Variants in SYNM observed in about 807,000 individuals in gnomAD.
The protein encoded by SYNM is desmuslin.
Under a neutral mutation model 104.0 loss-of-function variants are expected in SYNM, and 95 were observed. The observed-to-expected ratio is 0.91, with a 90% CI of 0.77 to 1.08. The LOEUF (loss-of-function observed/expected upper bound fraction) is 1.08, where lower values mean the gene tolerates loss of function less well. SYNM is among the 50% of genes least tolerant of loss of function. SYNM has a pLI of 0.00. For missense variants in SYNM, 2,150 were observed against 2,052.2 expected (o/e 1.05, Z -0.92); for synonymous variants, 918 against 869.0 (o/e 1.06, Z -0.99).
intron 2 of SYNM, among the ~76,000 whole-genome samples, chr15:99,120,619 C>T (rs1555484424): frequency 1.3e-5 from 2 of 152,144 alleles, no homozygotes; most frequent in Non-Finnish European, 2.9e-5. Context: ...CCAGTGTGGG[C>T]TTCACGTCAA....
chr15:99,113,512 A>T, intron 1 of SYNM, 79 bp from the exon 2 acceptor site: 27 of 1,574,240 alleles, frequency 1.7e-5, no homozygotes, highest in Non-Finnish European at 2.3e-5. Flanking sequence ...TTTCAATTCG[A>T]TCCTGAATTG....
At chr15:99,114,602 G>A (rs2067329663) in intron 2 of SYNM, among the ~76,000 whole-genome samples, 1 of 152,048 alleles carries the variant, frequency 6.6e-6, no homozygotes, top group African/African-American at 2.4e-5. Context: ...GCTAATGTAG[G>A]CCAACTGGCT....
At chr15:99,128,208 C>T (rs906665787) in intron 3 of SYNM, among the ~76,000 whole-genome samples, 3 of 152,168 alleles carry the variant, frequency 2.0e-5, no homozygotes, top group African/African-American at 7.2e-5. Flanking sequence ...CAGATAAGTT[C>T]CTAAGTAGTG....
Position 99,135,372 on chromosome 15 carries a change from T to A in SYNM, c.*2314T>A, listed in dbSNP as rs1331010458. Reference sequence around the variant, plus strand: ...AAGAGAAATCAACTTCGTGGTTGGATGGGGCCGGAACACAACCAGTCTTTT... The same window carrying A: ...AAGAGAAATCAACTTCGTGGTTGGAAGGGGCCGGAACACAACCAGTCTTTT... On this transcript the variant is annotated 3_prime_UTR_variant, in exon 4 of 4. Coordinates refer to ENST00000336292, the MANE Select transcript of SYNM (RefSeq NM_145728.3). 2 of 152,594 alleles carry A rather than the reference T, an allele frequency of 1.3e-5. No individual in the cohort carries two copies. Among genetic ancestry groups the A allele is most frequent in the Non-Finnish European group, 2.9e-5 (2 of 68,018 alleles). The allele number at this position is 152,594 out of a possible 1,614,324, so 9.5% of individuals were successfully genotyped here.
chr15:99,120,597 G>A (rs1376823810), intron 2 of SYNM, among the ~76,000 whole-genome samples: 2 of 152,214 alleles, frequency 1.3e-5, no homozygotes, highest in Admixed American at 1.3e-4. Context: ...GTGGGGGCCT[G>A]CAAAGACACT....
chr15:99,125,026 G>T (rs746923334), intron 2 of SYNM, among the ~76,000 whole-genome samples: 1 of 152,252 alleles, frequency 6.6e-6, no homozygotes, highest in Non-Finnish European at 1.5e-5. Flanking sequence ...TCTGGAAGAG[G>T]AGCAGATGCA....
At chr15:99,117,954 C>T (rs564506422) in intron 2 of SYNM, among the ~76,000 whole-genome samples, 7 of 152,310 alleles carry the variant, frequency 4.6e-5, no homozygotes, top group South Asian at 2.1e-4. Context: ...AGGAGCTACT[C>T]GTGCTTTCAG....
intron 1 of SYNM, among the ~76,000 whole-genome samples, chr15:99,111,835 A>G (rs2067302247): frequency 1.3e-5 from 2 of 152,234 alleles, no homozygotes; most frequent in African/African-American, 4.8e-5. Flanking sequence ...ACCTGAGGTC[A>G]GGAGTTCAAG....
At position 99,126,628 on chromosome 15, in the gene SYNM, A is replaced by G. The variant is rs2067450213; in HGVS notation, c.936-94A>G. The G allele has an allele frequency of 8.3e-6, 10 of 1,202,852 alleles. No homozygotes were observed. The Admixed American group carries it at 1.0e-4, about 12-fold the overall frequency. 74.5% of individuals were successfully genotyped at this position (1,202,852 alleles called of 1,614,324 possible). A position where few individuals can be genotyped will look rare whatever the true frequency, so the allele number is the denominator to read the frequency against. ...TAGAAGTCCTAAAACAGGTGACACT[A>G]TGGTCATTGGCCGCATACCACGATA... On this transcript the variant is annotated intron_variant, in intron 2 of 3. Transcript: ENST00000336292.
intron 1 of SYNM, among the ~76,000 whole-genome samples, chr15:99,107,426 C>G (rs2067256719): frequency 1.3e-5 from 2 of 152,304 alleles, no homozygotes; most frequent in South Asian, 2.1e-4. Flanking sequence ...GAGTATCTGT[C>G]AAACCTACTG....
Position 99,131,642 on chromosome 15 carries a change from T to C in SYNM, c.3282T>C (p.Thr1094=). The C allele has an allele frequency of 6.2e-7, 1 of 1,611,336 alleles. No individual in the cohort carries two copies. Among genetic ancestry groups the C allele is most frequent in the South Asian group, 1.1e-5 (1 of 90,930 alleles). Residue 1094 remains threonine (T), a synonymous_variant, in exon 4 of 4, where the codon ACT becomes ACC. Transcript: ENST00000336292. This position sits in a 1 kb window ranked among gnomAD's most constrained non-coding sequence, Gnocchi z 4.3. ...CCTCTCACAGCTCGGGACAGCGCACTCCCCAGGGCCCAGTGTCGGCCACTG... is the reference window on the plus strand; with the variant it reads ...CCTCTCACAGCTCGGGACAGCGCACCCCCCAGGGCCCAGTGTCGGCCACTG... ...GGASHSSGQR[T]PQGPVSATVE...
At chr15:99,138,712 A>T (rs1300111893), downstream of SYNM, among the ~76,000 whole-genome samples, 2 of 152,236 alleles carry the variant, frequency 1.3e-5, no homozygotes, top group Non-Finnish European at 2.9e-5. Flanking sequence ...GAGGATGGTC[A>T]GGGTTGCACT....
At position 99,130,951 on chromosome 15, in the gene SYNM, C is replaced by T. The variant is rs781786958; in HGVS notation, c.2591C>T (p.Ser864Phe). Reference protein sequence around the residue: ...HIEEESTIRYSWQDEIVQGTR... With the variant: ...HIEEESTIRYFWQDEIVQGTR... The stretch of plus-strand genomic sequence containing the variant: ...GAGGAGGAATCCACCATCAGGTACT[C>T]TTGGCAGGATGAAATCGTGCAGGGG... Residue 864 changes from serine to phenylalanine, a missense_variant, in exon 4 of 4, where the codon TCT becomes TTT. Transcript: ENST00000336292. 2.5e-6 allele frequency: 4 copies of T among 1,613,814 alleles called. No homozygotes were observed. Among genetic ancestry groups the T allele is most frequent in the Non-Finnish European group, 3.4e-6 (4 of 1,179,832 alleles).
chr15:99,134,059 A>G lies in SYNM; in HGVS notation c.*1001A>G, dbSNP rs1555486386. 1 of 152,078 alleles carries G rather than the reference A, an allele frequency of 6.6e-6. No homozygotes were observed. Among genetic ancestry groups the G allele is most frequent in the African/African-American group, 2.4e-5 (1 of 41,374 alleles). The allele number at this position is 152,078 out of a possible 1,614,324, so 9.4% of individuals were successfully genotyped here. On this transcript the variant is annotated 3_prime_UTR_variant, in exon 4 of 4. Coordinates refer to ENST00000336292, the MANE Select transcript of SYNM (RefSeq NM_145728.3). ...GTGCCTCTTAAAGATGCCTTTCCCA[A>G]CCCTCCATTCATGGGATGCAGGTCT...
chr15:99,123,407 G>A (rs2067419524), intron 2 of SYNM, among the ~76,000 whole-genome samples: 1 of 151,210 alleles, frequency 6.6e-6, no homozygotes, highest in Non-Finnish European at 1.5e-5. Context: ...GCACTGCCAC[G>A]TTACCTCCTG....
intron 2 of SYNM, 129 bp from the exon 3 acceptor site, chr15:99,126,590 TCTC>T (rs2067449912): frequency 2.2e-6 from 2 of 918,964 alleles, no homozygotes; most frequent in Non-Finnish European, 1.6e-6. Context: ...CCTGCCCAAG[TCTC>T]CTCTTCAGGT....
chr15:99,121,248 G>A (rs1002274987), intron 2 of SYNM, among the ~76,000 whole-genome samples: 1 of 152,054 alleles, frequency 6.6e-6, no homozygotes, highest in Admixed American at 6.5e-5. Context: ...GTGGCATGCA[G>A]GGGCAGTCCC....
At position 99,129,856 on chromosome 15, in the gene SYNM, A is replaced by C; in HGVS notation, c.1496A>C (p.Lys499Thr). Reference sequence around the variant, plus strand: ...GAGAGGACCGTCATTCTGGGAAAGAAAACAGAAGTGAAAGCCACGAGGGAG... The same window carrying C: ...GAGAGGACCGTCATTCTGGGAAAGACAACAGAAGTGAAAGCCACGAGGGAG... The part of the protein sequence containing the change: ...SNERTVILGK[K>T]TEVKATREQE... The change falls in exon 4 of 4, where the codon AAA (lysine) becomes ACA (threonine). Residue 499 changes from lysine to threonine, a missense_variant. Lys to Thr is a moderately conservative substitution (Grantham distance 78). Transcript: ENST00000336292. 1.2e-6 allele frequency: 2 copies of C among 1,613,746 alleles called. No homozygotes were observed. Among genetic ancestry groups the C allele is most frequent in the South Asian group, 2.2e-5 (2 of 91,048 alleles).
rs782461109 is a variant in SYNM, at chr15:99,132,265, C to T, written c.3905C>T (p.Pro1302Leu). The T allele has an allele frequency of 5.5e-5, 89 of 1,607,590 alleles. No homozygotes were observed. In the East Asian group the frequency reaches 1.9e-3, roughly 34 times the overall value. Residue 1302 changes from proline to leucine, a missense_variant, in exon 4 of 4, where the codon CCA (proline) becomes CTA (leucine). Transcript: ENST00000336292. ...IGDSVHMEGL[P>L]GSSTSIRHIS... The stretch of plus-strand genomic sequence containing the variant: ...GATTCTGTACACATGGAAGGGTTGC[C>T]AGGGAGCAGCACATCCATCAGGCAC...
Sources: gnomAD v4.1 joint callset for allele counts (sites outside exome capture counted in the v4.1 genomes callset) on GRCh38, gnomAD v4.1.1 for gene constraint, Gnocchi (gnomAD v3.1) non-coding constraint, MANE v1.5 for transcripts, NCBI Gene and HGNC (gene_info 2026-07-23, HGNC 2026-07-21) for gene names.